DNM3: variants seen among roughly 807,000 people sequenced by gnomAD.
The protein encoded by DNM3 is dynamin-3.
Under a neutral mutation model 101.6 loss-of-function variants are expected in DNM3, and 47 were observed. The ratio of observed to expected loss-of-function variants is 0.46; its 90% CI spans 0.37 to 0.59. DNM3 has a LOEUF of 0.59. DNM3 is among the 20% of genes least tolerant of loss of function. DNM3 has a pLI of 0.00. For missense variants in DNM3, 849 were observed against 1,085.7 expected (o/e 0.78, Z 3.06); for synonymous variants, 385 against 387.9 (o/e 0.99, Z 0.09).
intron 10 of DNM3, among the ~76,000 whole-genome samples, chr1:172,062,622 A>T (rs1021698684): frequency 6.6e-6 from 1 of 152,068 alleles, no homozygotes; most frequent in Non-Finnish European, 1.5e-5. Context: ...GTCCCAGTTC[A>T]CCTAGTTGGG....
At chr1:172,168,545 C>A (rs1262580332) in intron 14 of DNM3, among the ~76,000 whole-genome samples, 1 of 152,050 alleles carries the variant, frequency 6.6e-6, no homozygotes, top group East Asian at 1.9e-4. Context: ...ATTAGAATTG[C>A]TCATGAGCAA....
At chr1:172,179,240 C>T (rs2059261426) in intron 14 of DNM3, among the ~76,000 whole-genome samples, 1 of 151,876 alleles carries the variant, frequency 6.6e-6, no homozygotes, top group Admixed American at 6.6e-5. Flanking sequence ...TGGAATTTGG[C>T]CACTGGTTGT....
At chr1:172,168,000 G>A (rs996612303) in intron 14 of DNM3, among the ~76,000 whole-genome samples, 1 of 151,932 alleles carries the variant, frequency 6.6e-6, no homozygotes, top group East Asian at 1.9e-4. Context: ...TCAGATAAAA[G>A]ACTACAAAGG....
At chr1:172,197,202 A>C (rs762977975) in intron 14 of DNM3, among the ~76,000 whole-genome samples, 16 of 152,060 alleles carry the variant, frequency 1.1e-4, no homozygotes, top group Non-Finnish European at 2.2e-4. Context: ...AGCTTTGTCG[A>C]AGATCAGATT....
intron 4 of DNM3, among the ~76,000 whole-genome samples, chr1:171,992,020 T>A (rs2045666155): frequency 6.6e-6 from 1 of 152,210 alleles, no homozygotes; most frequent in Non-Finnish European, 1.5e-5. Flanking sequence ...TGGCTATAGA[T>A]ATCCTGTCTC....
intron 14 of DNM3, among the ~76,000 whole-genome samples, chr1:172,166,157 CT>C (rs1019475039): frequency 7.9e-5 from 12 of 151,918 alleles, no homozygotes; most frequent in Non-Finnish European, 1.6e-4. Context: ...GACACTTGGT[CT>C]TTTTTCATTA....
downstream of DNM3, chr1:172,412,778 G>A: frequency 3.1e-6 from 3 of 969,298 alleles, no homozygotes; most frequent in Non-Finnish European, 3.7e-6. Flanking sequence ...TAATACCTGA[G>A]ACTTCTAAAT....
chr1:171,952,775 CTT>C (rs1463907144), intron 2 of DNM3, among the ~76,000 whole-genome samples: 1 of 152,272 alleles, frequency 6.6e-6, no homozygotes, highest in South Asian at 2.1e-4. Flanking sequence ...CAATGAATAA[CTT>C]ATATCATTGC....
intron 17 of DNM3, among the ~76,000 whole-genome samples, chr1:172,353,194 A>G (rs1427875072): frequency 3.9e-5 from 6 of 152,024 alleles, no homozygotes; most frequent in Non-Finnish European, 8.8e-5. Flanking sequence ...TTTATTCTAT[A>G]CCGGATGAAC....
At chr1:171,875,217 T>A (rs373631124) in intron 1 of DNM3, among the ~76,000 whole-genome samples, 95 of 152,338 alleles carry the variant, frequency 6.2e-4, no homozygotes, top group African/African-American at 2.1e-3. Flanking sequence ...ATGGTAGTTC[T>A]GTTTTAAGTT....
chr1:172,000,599 G>C (rs569263893), intron 4 of DNM3, among the ~76,000 whole-genome samples: 1 of 152,192 alleles, frequency 6.6e-6, no homozygotes, highest in South Asian at 2.1e-4. Context: ...TAAACAGAAA[G>C]AAAACAACCT....
chr1:171,980,450 T>C (rs187641875), intron 2 of DNM3, among the ~76,000 whole-genome samples: 4 of 152,290 alleles, frequency 2.6e-5, no homozygotes, highest in African/African-American at 9.6e-5. Flanking sequence ...TTTCTTAGTG[T>C]TGGGAACATT....
At chr1:172,173,343 C>T (rs1190955239) in intron 14 of DNM3, among the ~76,000 whole-genome samples, 3 of 151,556 alleles carry the variant, frequency 2.0e-5, no homozygotes, top group African/African-American at 7.3e-5. Context: ...TCAATAACTA[C>T]ATAGGGAATC....
intron 1 of DNM3, among the ~76,000 whole-genome samples, chr1:171,868,099 A>G (rs955845134): frequency 1.3e-5 from 2 of 152,186 alleles, no homozygotes; most frequent in African/African-American, 4.8e-5. Flanking sequence ...CCAACTCTTT[A>G]TGGATCTTCC....
chr1:172,377,553 C>CATATATATATAT (rs34612864), intron 17 of DNM3, among the ~76,000 whole-genome samples: 3,781 of 122,984 alleles, frequency 0.031, 160 homozygotes, highest in African/African-American at 0.079. Flanking sequence ...TGATATATAT[C>CATATATATATAT]ATATATATAT....
At chr1:172,152,659 G>A (rs1388653523) in intron 14 of DNM3, among the ~76,000 whole-genome samples, 1 of 152,054 alleles carries the variant, frequency 6.6e-6, no homozygotes, top group Admixed American at 6.6e-5. Flanking sequence ...CATTTTCAGT[G>A]CATTTGTCCT....
chr1:172,406,709 T>G (rs2070915522), intron 20 of DNM3, among the ~76,000 whole-genome samples: 1 of 152,180 alleles, frequency 6.6e-6, no homozygotes, highest in African/African-American at 2.4e-5. Context: ...AAAACTATTT[T>G]TCATAATAGT....
At chr1:172,198,118 G>A (rs1307628407) in intron 14 of DNM3, among the ~76,000 whole-genome samples, 1 of 152,110 alleles carries the variant, frequency 6.6e-6, no homozygotes, top group Non-Finnish European at 1.5e-5. Context: ...TAACATGAAG[G>A]GGTGTTGAAT....
At chr1:171,882,641 A>T (rs2036388798) in intron 1 of DNM3, among the ~76,000 whole-genome samples, 1 of 152,162 alleles carries the variant, frequency 6.6e-6, no homozygotes, top group African/African-American at 2.4e-5. Context: ...TTGGCCAAAT[A>T]AGTCATGACT....
Sources: allele counts gnomAD v4.1 joint callset (sites outside exome capture counted in the v4.1 genomes callset), GRCh38; gene constraint gnomAD v4.1.1; transcripts MANE v1.5; gene names NCBI Gene and HGNC (gene_info 2026-07-23, HGNC 2026-07-21).